USP12: variants seen among roughly 807,000 people sequenced by gnomAD.
USP12 encodes ubiquitin carboxyl-terminal hydrolase 12.
In USP12, 19 loss-of-function variants were observed where a neutral mutation model predicts 45.5. The ratio of observed to expected loss-of-function variants is 0.42; its 90% CI spans 0.29 to 0.61. The LOEUF (loss-of-function observed/expected upper bound fraction) is 0.61. USP12 is among the 20% of genes least tolerant of loss of function. The pLI is 0.22. For missense variants in USP12, 242 were observed against 447.7 expected (o/e 0.54, Z 4.15); for synonymous variants, 149 against 148.8 (o/e 1.00, Z -0.01).
chr13:27,143,675 A>C (rs1877174714), intron 1 of USP12, among the ~76,000 whole-genome samples: 1 of 152,222 alleles, frequency 6.6e-6, no homozygotes, highest in African/African-American at 2.4e-5. Flanking sequence ...TCACAGAGTG[A>C]TACAACTGCC....
intron 2 of USP12, among the ~76,000 whole-genome samples, chr13:27,110,078 T>C (rs1875357834): frequency 6.8e-6 from 1 of 147,410 alleles, no homozygotes; most frequent in Non-Finnish European, 1.5e-5. Context: ...ATTAAACGTG[T>C]CCCATTTATG....
At chr13:27,138,689 A>G (rs1344388840) in intron 1 of USP12, among the ~76,000 whole-genome samples, 1 of 152,214 alleles carries the variant, frequency 6.6e-6, no homozygotes, top group Non-Finnish European at 1.5e-5. Context: ...CACTCTTGCC[A>G]TGTGACAGGC....
intron 3 of USP12, among the ~76,000 whole-genome samples, chr13:27,104,731 G>T (rs565057598): frequency 3.9e-5 from 6 of 152,236 alleles, no homozygotes; most frequent in African/African-American, 1.2e-4. Flanking sequence ...TATGATCCAG[G>T]CTTACCTCAA....
intron 1 of USP12, among the ~76,000 whole-genome samples, chr13:27,125,852 G>C (rs1280412228): frequency 6.6e-6 from 1 of 152,254 alleles, no homozygotes; most frequent in Non-Finnish European, 1.5e-5. Context: ...CTTGCTCGCT[G>C]CTAGCACAGC....
At chr13:27,161,334 A>G (rs1332208617) in intron 1 of USP12, among the ~76,000 whole-genome samples, 1 of 152,196 alleles carries the variant, frequency 6.6e-6, no homozygotes, top group Non-Finnish European at 1.5e-5. Flanking sequence ...CAGAATCTCA[A>G]ATTATAAATG....
Position 27,095,654 on chromosome 13 carries a change from C to G in USP12, c.520G>C (p.Glu174Gln). ...NSTPDPTWVH[E>Q]IFQGTLTNET... is the part of the protein sequence containing the mutation. Reference sequence around the variant, plus strand: ...TTAGTTAATGTTCCCTGAAAAATCTCATGAACCCACGTTGGGTCTGGTGTG... The same window carrying G: ...TTAGTTAATGTTCCCTGAAAAATCTGATGAACCCACGTTGGGTCTGGTGTG... The change falls in exon 4 of 9, where the codon GAG (glutamate) becomes CAG (glutamine). Residue 174 changes from glutamate to glutamine, a missense_variant. Physicochemically the swap from Glu to Gln is conservative, Grantham distance 29. Coordinates refer to ENST00000282344, the MANE Select transcript of USP12 (RefSeq NM_182488.4). The G allele has an allele frequency of 6.2e-7, 1 of 1,611,844 alleles. No individual in the cohort carries two copies. Among genetic ancestry groups the G allele is most frequent in the South Asian group, 1.1e-5 (1 of 90,304 alleles).
rs1429027985 is a variant in USP12 at position 27,116,605 on chromosome 13, T to A, written c.49-9A>T. The A allele has an allele frequency of 6.2e-7, 1 of 1,608,544 alleles. No individual in the cohort carries two copies. The highest frequency in any genetic ancestry group is 1.3e-5 in the African/African-American group (1 of 74,714). Reference sequence around the variant, plus strand: ...GCCGAAGCATTGGCGCCCTATAAAATGAAAAACAAAAATCTTAGTATTTAT... The same window carrying A: ...GCCGAAGCATTGGCGCCCTATAAAAAGAAAAACAAAAATCTTAGTATTTAT... On this transcript the variant is annotated splice_polypyrimidine_tract_variant and intron_variant, in intron 1 of 8. Transcript: ENST00000282344.
In USP12 at chr13:27,160,991, C is replaced by G. The variant is rs142587104; in HGVS notation, c.48+10601G>C. On this transcript the variant is annotated intron_variant, in intron 1 of 8. Coordinates refer to ENST00000282344, the MANE Select transcript of USP12 (RefSeq NM_182488.4). ...CCCCAGTGTGTAGCGTTCCCCTCCA[C>G]AAAGCGTCATCTTTCAAGGCCGTTA... Among the ~76,000 whole-genome samples, 536 of 152,186 alleles carry G rather than the reference C, an allele frequency of 3.5e-3. 2 individuals carry two copies. Among genetic ancestry groups the G allele is most frequent in the Non-Finnish European group, 6.3e-3 (425 of 68,000 alleles).
At position 27,105,769 on chromosome 13, in the gene USP12, G is replaced by T. The variant is rs1248350709; in HGVS notation, c.305C>A (p.Pro102His). ...ATQKKKVGVIPPKKFITRLRK... is the reference protein window; with the variant it reads ...ATQKKKVGVIHPKKFITRLRK... ...TAATCTTGTGATGAACTTCTTAGGG[G>T]GTATTACTCCAACCTTTTTCTTCTG... The change falls in exon 3 of 9, where the codon CCC becomes CAC. Residue 102 changes from proline (P) to histidine (H), a missense_variant. By Grantham distance (77) the Pro-to-His change is moderately conservative. Transcript: ENST00000282344. 6.2e-7 allele frequency: 1 copy of T among 1,613,536 alleles called. No individual in the cohort carries two copies. The highest frequency in any genetic ancestry group is 1.7e-5 in the Admixed American group (1 of 59,972).
chr13:27,085,982 A>G (rs941203551), intron 6 of USP12, among the ~76,000 whole-genome samples: 3 of 151,916 alleles, frequency 2.0e-5, no homozygotes, highest in Non-Finnish European at 1.5e-5. Context: ...CCTAGGCAAC[A>G]TAGCAAGAGC....
At chr13:27,123,091 CA>C (rs11318459) in intron 1 of USP12, among the ~76,000 whole-genome samples, 134,880 of 137,410 alleles carry the variant, frequency 0.98, 66,183 homozygotes, top group South Asian at 0.99. Flanking sequence ...GAGTCCATCT[CA>C]AAAAAAAAAA....
chr13:27,128,506 C>T (rs894974161), intron 1 of USP12, among the ~76,000 whole-genome samples: 1 of 152,142 alleles, frequency 6.6e-6, no homozygotes, highest in African/African-American at 2.4e-5. Flanking sequence ...TATATCTGAA[C>T]TCCGTAACTG....
intron 6 of USP12, chr13:27,089,667 G>C (rs1874225265): frequency 2.0e-6 from 1 of 498,660 alleles, no homozygotes; most frequent in Non-Finnish European, 3.6e-6. Context: ...ATAATCGCTA[G>C]ACATAGGAAA....
At position 27,097,607 on chromosome 13, in the gene USP12, A is replaced by G. The variant is rs138632690; in HGVS notation, c.344-1777T>C. 3.7e-3 allele frequency among the ~76,000 whole-genome samples: 565 copies of G among 152,294 alleles called. 4 individuals are homozygous for G. The highest frequency in any genetic ancestry group is 0.013 in the African/African-American group (541 of 41,542). ...CTGTCTGGGTTGGTGCTATGGTTCT[A>G]CTTCTAACTGCACGCGTGGCATAGG... On this transcript the variant is annotated intron_variant, in intron 3 of 8. Coordinates refer to ENST00000282344, the MANE Select transcript of USP12 (RefSeq NM_182488.4).
chr13:27,082,250 A>ACTG (rs1392008358), intron 6 of USP12, among the ~76,000 whole-genome samples: 3 of 152,180 alleles, frequency 2.0e-5, no homozygotes, highest in African/African-American at 7.2e-5. Context: ...TAGATAACTT[A>ACTG]CTGCTGCTTC....
chr13:27,145,890 T>C (rs1412218675), intron 1 of USP12, among the ~76,000 whole-genome samples: 1 of 152,168 alleles, frequency 6.6e-6, no homozygotes, highest in East Asian at 1.9e-4. Flanking sequence ...TGAAATTGTC[T>C]ACAGAATAAT....
intron 6 of USP12, among the ~76,000 whole-genome samples, chr13:27,085,591 C>T (rs1247764855): frequency 6.6e-6 from 1 of 151,808 alleles, no homozygotes; most frequent in Non-Finnish European, 1.5e-5. Context: ...TGAATTCATC[C>T]AAGTAAAGGT....
intron 2 of USP12, among the ~76,000 whole-genome samples, chr13:27,111,637 CCTA>C (rs987462797): frequency 2.1e-4 from 32 of 152,090 alleles, no homozygotes; most frequent in Non-Finnish European, 1.0e-4. Context: ...TTTTTATATA[CCTA>C]CTACTAAGAC....
At chr13:27,093,115 G>C (rs1427884014) in intron 4 of USP12, among the ~76,000 whole-genome samples, 4 of 151,696 alleles carry the variant, frequency 2.6e-5, no homozygotes, top group Non-Finnish European at 4.4e-5. Context: ...AGAACCACTT[G>C]AACCCAGGAG....
Sources: allele counts gnomAD v4.1 joint callset (sites outside exome capture counted in the v4.1 genomes callset), GRCh38; gene constraint gnomAD v4.1.1; transcripts MANE v1.5; gene names NCBI Gene and HGNC (gene_info 2026-07-23, HGNC 2026-07-21).